HERC3: variants seen among roughly 807,000 people sequenced by gnomAD.
The protein encoded by HERC3 is probable E3 ubiquitin-protein ligase HERC3.
A neutral mutation model predicts 129.9 loss-of-function variants in HERC3; 58 were observed. The ratio of observed to expected loss-of-function variants is 0.45; its 90% CI spans 0.36 to 0.56. The LOEUF (loss-of-function observed/expected upper bound fraction) is 0.56. HERC3 is among the 20% of genes least tolerant of loss of function. The pLI, the probability that HERC3 is intolerant of heterozygous loss-of-function variation, is 0.00. For synonymous variants in HERC3, 430 were observed against 451.0 expected, an observed-to-expected ratio of 0.95 and a Z score of 0.59; for missense variants, 835 against 1,244.2, an observed-to-expected ratio of 0.67 and a Z score of 4.95.
the HERC3 span, among the ~76,000 whole-genome samples, chr4:88,539,922 C>T: frequency 1.3e-5 from 2 of 152,180 alleles, no homozygotes. Flanking sequence ...CACACCAAAA[C>T]TCTATCTGTA....
chr4:88,705,857 G>C (rs564182154), intron 25 of HERC3, among the ~76,000 whole-genome samples: 2 of 152,250 alleles, frequency 1.3e-5, no homozygotes, highest in African/African-American at 2.4e-5. Flanking sequence ...ATGGGAGCAA[G>C]GATGAGAGGA....
Position 88,697,786 on chromosome 4 carries a change from G to A in HERC3, c.2658-6312G>A, listed in dbSNP as rs558018410. ...GGAGAAGCCGCAGAGGTCTAGGAGGGCTCCCGCAGAGGCCCTGCACCCGAG... is the reference window on the plus strand; with the variant it reads ...GGAGAAGCCGCAGAGGTCTAGGAGGACTCCCGCAGAGGCCCTGCACCCGAG... On this transcript the variant is annotated intron_variant, in intron 23 of 25. Coordinates refer to ENST00000402738, the MANE Select transcript of HERC3 (RefSeq NM_014606.3). 3.2e-6 allele frequency: 5 copies of A among 1,555,016 alleles called. No individual in the cohort carries two copies. The South Asian group carries it at 6.0e-5, about 19-fold the overall frequency.
At chr4:88,602,637 T>C (rs1723137037) in intron 2 of HERC3, among the ~76,000 whole-genome samples, 1 of 151,900 alleles carries the variant, frequency 6.6e-6, no homozygotes, top group African/African-American at 2.4e-5. Flanking sequence ...CCTACCACAC[T>C]TGGCTGATTT....
At chr4:88,603,119 T>C (rs1723196764) in intron 2 of HERC3, among the ~76,000 whole-genome samples, 1 of 152,048 alleles carries the variant, frequency 6.6e-6, no homozygotes, top group Non-Finnish European at 1.5e-5. Context: ...TCAAAATTCA[T>C]CTGCTGTTCT....
intron 2 of HERC3, among the ~76,000 whole-genome samples, chr4:88,604,948 T>C (rs866580720): frequency 6.6e-6 from 1 of 152,326 alleles, no homozygotes; most frequent in Middle Eastern, 3.4e-3. Context: ...GATGAGATTT[T>C]TTTTTGTTTG....
At chr4:88,531,005 C>A in the HERC3 span, among the ~76,000 whole-genome samples, 2 of 151,802 alleles carry the variant, frequency 1.3e-5, no homozygotes, top group African/African-American at 4.8e-5. Context: ...TGTGTACCAC[C>A]ACATCACGCC....
intron 10 of HERC3, among the ~76,000 whole-genome samples, chr4:88,658,874 T>G (rs1331974544): frequency 6.6e-6 from 1 of 152,198 alleles, no homozygotes; most frequent in Non-Finnish European, 1.5e-5. Context: ...TTTCTTTGTT[T>G]GATGTGATTG....
chr4:88,575,129 G>GA, the HERC3 span, among the ~76,000 whole-genome samples: 1 of 152,060 alleles, frequency 6.6e-6, no homozygotes, highest in Non-Finnish European at 1.5e-5. Context: ...GCCAATTTTT[G>GA]AAAAGCCTTT....
intron 25 of HERC3, among the ~76,000 whole-genome samples, chr4:88,705,022 G>A (rs1210876911): frequency 1.3e-5 from 2 of 151,814 alleles, no homozygotes; most frequent in African/African-American, 2.4e-5. Flanking sequence ...CACCATGCCC[G>A]GCAGATTTTT....
intron 3 of HERC3, among the ~76,000 whole-genome samples, chr4:88,639,867 G>A (rs549801340): frequency 4.3e-4 from 66 of 151,732 alleles, no homozygotes; most frequent in Middle Eastern, 6.8e-3. Context: ...AATCTACAAG[G>A]AACTTAAACA....
chr4:88,626,409 A>G (rs1726104917), intron 3 of HERC3, among the ~76,000 whole-genome samples: 1 of 152,048 alleles, frequency 6.6e-6, no homozygotes, highest in Non-Finnish European at 1.5e-5. Context: ...TGGCTGGTAG[A>G]GTCACTGTTG....
intron 8 of HERC3, 51 bp downstream of exon 8, chr4:88,655,355 C>A: frequency 6.2e-7 from 1 of 1,602,678 alleles, no homozygotes; most frequent in South Asian, 1.1e-5. Flanking sequence ...AGAAATTGGT[C>A]TTATCTTTGT....
At position 88,706,890 on chromosome 4, in the gene HERC3, G is replaced by A; in HGVS notation, c.3083G>A (p.Ser1028Asn). ...CYNLLDLPKY[S>N]SKEILSARLT... ...AACCTTCTTGACCTCCCCAAGTACA[G>A]CAGCAAAGAGATTCTGAGTGCCCGG... Residue 1028 changes from serine to asparagine, a missense_variant, in exon 26 of 26, where the codon AGC (serine) becomes AAC (asparagine). By Grantham distance (46) the Ser-to-Asn change is conservative. Transcript: ENST00000402738. The A allele has an allele frequency of 6.2e-7, 1 of 1,614,184 alleles. No homozygotes were observed. The highest frequency in any genetic ancestry group is 2.2e-5 in the East Asian group (1 of 44,876).
At chr4:88,682,446 G>A (rs1425231186) in intron 21 of HERC3, among the ~76,000 whole-genome samples, 8 of 151,780 alleles carry the variant, frequency 5.3e-5, no homozygotes, top group Non-Finnish European at 1.0e-4. Context: ...AACATTAGAT[G>A]TATTTCCTAA....
intron 25 of HERC3, among the ~76,000 whole-genome samples, chr4:88,706,057 T>C (rs1005232637): frequency 6.6e-6 from 1 of 152,252 alleles, no homozygotes; most frequent in African/African-American, 2.4e-5. Context: ...AATGGCACTT[T>C]CTGTTCATTA....
At chr4:88,697,304 C>T (rs774885013) in intron 23 of HERC3, 2 of 1,610,244 alleles carry the variant, frequency 1.2e-6, no homozygotes, top group East Asian at 2.2e-5. Context: ...TCGTCTTCCC[C>T]CTCCTCCTCG....
At chr4:88,644,450 A>G (rs1193157974) in intron 3 of HERC3, among the ~76,000 whole-genome samples, 3 of 152,214 alleles carry the variant, frequency 2.0e-5, no homozygotes, top group South Asian at 2.1e-4. Flanking sequence ...CTGTTGATAC[A>G]TGCAACCACT....
At chr4:88,595,100 C>CA (rs758727600) in intron 1 of HERC3, among the ~76,000 whole-genome samples, 27,769 of 60,374 alleles carry the variant, frequency 0.46, 6,810 homozygotes, top group Non-Finnish European at 0.57. Context: ...GACTCTGTCT[C>CA]AAAAAAAAAA....
At chr4:88,568,441 G>A in the HERC3 span, among the ~76,000 whole-genome samples, 2 of 152,164 alleles carry the variant, frequency 1.3e-5, no homozygotes, top group Non-Finnish European at 2.9e-5. Flanking sequence ...GGAACTTTAG[G>A]AATCTACATG....
Sources: gnomAD v4.1 joint callset for allele counts (sites outside exome capture counted in the v4.1 genomes callset) on GRCh38, gnomAD v4.1.1 for gene constraint, MANE v1.5 for transcripts, NCBI Gene and HGNC (gene_info 2026-07-23, HGNC 2026-07-21) for gene names.